HECTD4: variants seen among roughly 807,000 people sequenced by gnomAD.
The protein encoded by HECTD4 is probable E3 ubiquitin-protein ligase HECTD4.
Under a neutral mutation model 471.5 loss-of-function variants are expected in HECTD4, and 114 were observed. That is an observed-to-expected ratio of 0.24 (90% CI 0.21 to 0.28). HECTD4 has a LOEUF of 0.28. HECTD4 is among the 10% of genes least tolerant of loss of function. The pLI, the probability that HECTD4 is intolerant of heterozygous loss-of-function variation, is 1.00. For missense variants in HECTD4, 3,866 were observed against 5,651.5 expected, an observed-to-expected ratio of 0.68 and a Z score of 10.13; for synonymous variants, 2,012 against 2,256.0, an observed-to-expected ratio of 0.89 and a Z score of 3.07.
At chr12:112,296,113 C>G (rs543035521) in intron 7 of HECTD4, among the ~76,000 whole-genome samples, 5 of 152,254 alleles carry the variant, frequency 3.3e-5, no homozygotes, top group Admixed American at 3.3e-4. Context: ...GTGGCATGAA[C>G]AAGAAGGTAT....
In HECTD4 at chr12:112,369,409, T is replaced by C. The variant is rs184762985; in HGVS notation, c.177+12543A>G. ...CAGACTGAAGTGCAGTGGTGTGATC[T>C]TGGCTCACTACAACCTCCGCCTCTG... On this transcript the variant is annotated intron_variant, in intron 1 of 75. Transcript: ENST00000682272. Among the ~76,000 whole-genome samples, 59 of 151,484 alleles carry C rather than the reference T, an allele frequency of 3.9e-4. 1 individual carries two copies. Among genetic ancestry groups the C allele is most frequent in the Non-Finnish European group, 7.4e-4 (50 of 67,850 alleles).
chr12:112,231,511 A>G lies in HECTD4; in HGVS notation c.6200+2T>C. On this transcript the variant is annotated splice_donor_variant, in intron 39 of 75. Transcript: ENST00000682272. LOFTEE classifies it high-confidence loss of function. ...GACAGCTCCTACCTGTGGAAGGTTT[A>G]CCTTGCAAGCTCCGAGTTCCTCTCT... is the stretch of plus-strand genomic sequence containing the variant. 6.2e-7 allele frequency: 1 copy of G among 1,613,902 alleles called. No homozygotes were observed. The highest frequency in any genetic ancestry group is 8.5e-7 in the Non-Finnish European group (1 of 1,179,774).
intron 70 of HECTD4, 28 bp downstream of exon 70, chr12:112,169,474 AG>A: frequency 6.3e-7 from 1 of 1,587,358 alleles, no homozygotes; most frequent in Non-Finnish European, 8.6e-7. Flanking sequence ...CAGCTCCTCC[AG>A]CGTGGAGCCT....
Position 112,226,221 on chromosome 12 carries a change from T to TCACACACA in HECTD4, c.6970+414_6970+421dup, listed in dbSNP as rs1384859230. Among the ~76,000 whole-genome samples the TCACACACA allele has an allele frequency of 2.0e-5, 3 of 151,234 alleles. No individual in the cohort carries two copies. The South Asian group carries it at 6.3e-4, about 32-fold the overall frequency. ...CACACACACACACTCACACACACAC[T>TCACACACA]CACACACACACTCACACACACACAT... is the stretch of plus-strand genomic sequence containing the variant. On this transcript the variant is annotated intron_variant, in intron 44 of 75. Coordinates refer to ENST00000682272, the MANE Select transcript of HECTD4 (RefSeq NM_001388303.1).
rs371897569 is a variant in HECTD4, at chr12:112,235,136, C to T, written c.5856G>A (p.Ser1952=). ...GGTCTTCCCGCTTGTGGATAAATATCGAGAGCTTGCCATCCACAGCCTCAC... is the reference window on the plus strand; with the variant it reads ...GGTCTTCCCGCTTGTGGATAAATATTGAGAGCTTGCCATCCACAGCCTCAC... ...EESEAVDGKL[S]IFIHKREDQS... Residue 1952 remains serine, a synonymous_variant, in exon 37 of 76, where the codon TCG becomes TCA. Transcript: ENST00000682272. This position sits in a 1 kb window ranked among gnomAD's most constrained non-coding sequence, Gnocchi z 5.0. 1.2e-5 allele frequency: 20 copies of T among 1,610,128 alleles called. No individual in the cohort carries two copies. The highest frequency in any genetic ancestry group is 9.3e-5 in the African/African-American group (7 of 74,898).
chr12:112,310,672 C>A (rs1260728003), intron 4 of HECTD4, among the ~76,000 whole-genome samples: 1 of 152,150 alleles, frequency 6.6e-6, no homozygotes, highest in South Asian at 2.1e-4. Context: ...CAACTGGGAC[C>A]TGTACCTATT....
chr12:112,211,175 C>T (rs1174695659), intron 49 of HECTD4, among the ~76,000 whole-genome samples: 4 of 152,108 alleles, frequency 2.6e-5, no homozygotes, highest in Admixed American at 1.3e-4. Context: ...CATGGTGAAA[C>T]CTCATTTCTA....
At chr12:112,365,841 G>A (rs1055282530) in intron 1 of HECTD4, among the ~76,000 whole-genome samples, 5 of 148,780 alleles carry the variant, frequency 3.4e-5, no homozygotes, top group Admixed American at 1.4e-4. Context: ...GAGCGATCTC[G>A]GCTGATTCAC....
At position 112,229,829 on chromosome 12, in the gene HECTD4, T is replaced by C; in HGVS notation, c.6388A>G (p.Ser2130Gly). 6.2e-7 allele frequency: 1 copy of C among 1,614,040 alleles called. No homozygotes were observed. Among genetic ancestry groups the C allele is most frequent in the Non-Finnish European group, 8.5e-7 (1 of 1,179,900 alleles). ...YIPQLGKYAE[S>G]ILENGSSSGR... ...CTGCTGCTGCCATTTTCCAGAATGCTTTCTGCGTATTTCCCCAATTGTGGA... is the reference window on the plus strand; with the variant it reads ...CTGCTGCTGCCATTTTCCAGAATGCCTTCTGCGTATTTCCCCAATTGTGGA... Residue 2130 changes from serine (S) to glycine (G), a missense_variant, in exon 41 of 76, where the codon AGC becomes GGC. By Grantham distance (56) the Ser-to-Gly change is moderately conservative. This residue lies in a region of HECTD4 where 617 missense variants were observed against 915.1 expected (regional missense o/e 0.67). Transcript: ENST00000682272.
At chr12:112,343,541 G>A (rs938210149) in intron 1 of HECTD4, among the ~76,000 whole-genome samples, 4 of 152,162 alleles carry the variant, frequency 2.6e-5, no homozygotes, top group African/African-American at 9.7e-5. Flanking sequence ...AGACCAGGGA[G>A]GGAGGATCAC....
Position 112,161,964 on chromosome 12 carries a change from A to T in HECTD4, c.*423T>A. On this transcript the variant is annotated 3_prime_UTR_variant, in exon 76 of 76. Coordinates refer to ENST00000682272, the MANE Select transcript of HECTD4 (RefSeq NM_001388303.1). ...GAGGCTGGAGGGCAGGGCTGGCCAC[A>T]GGCTTGTCTGTGGAGGCGCTCTGCT... The T allele has an allele frequency of 6.4e-6, 1 of 157,296 alleles. No homozygotes were observed. Among genetic ancestry groups the T allele is most frequent in the Non-Finnish European group, 1.4e-5 (1 of 71,318 alleles). 9.7% of individuals were successfully genotyped at this position (157,296 alleles called of 1,614,324 possible).
Position 112,188,570 on chromosome 12 carries a change from C to G in HECTD4, c.9472+2216G>C, listed in dbSNP as rs2031965042. On this transcript the variant is annotated intron_variant, in intron 60 of 75. Transcript: ENST00000682272. This position sits in a 1 kb window ranked among gnomAD's most constrained non-coding sequence, Gnocchi z 4.2. Reference sequence around the variant, plus strand: ...TAAAGCCTGTGTCCCACTGAGCCAGCTGAGCCCTTACCCTGCAAAAGAGTG... The same window carrying G: ...TAAAGCCTGTGTCCCACTGAGCCAGGTGAGCCCTTACCCTGCAAAAGAGTG... Among the ~76,000 whole-genome samples, 1 of 152,232 alleles carries G rather than the reference C, an allele frequency of 6.6e-6. No homozygotes were observed. Among genetic ancestry groups the G allele is most frequent in the Non-Finnish European group, 1.5e-5 (1 of 68,046 alleles).
At chr12:112,335,359 T>C (rs1360874410) in intron 1 of HECTD4, among the ~76,000 whole-genome samples, 1 of 151,884 alleles carries the variant, frequency 6.6e-6, no homozygotes, top group Non-Finnish European at 1.5e-5. Context: ...AATGACACAA[T>C]GGGGTTTGGG....
At chr12:112,270,203 T>C (rs1057344445) in intron 12 of HECTD4, 24 bp downstream of exon 12, 8 of 1,587,794 alleles carry the variant, frequency 5.0e-6, no homozygotes, top group African/African-American at 2.7e-5. Flanking sequence ...TATCATCTTA[T>C]TTATTTCAAA....
chr12:112,375,063 C>T (rs550168000), intron 1 of HECTD4, among the ~76,000 whole-genome samples: 8 of 151,990 alleles, frequency 5.3e-5, no homozygotes, highest in South Asian at 2.1e-4. Flanking sequence ...CTTTATACTC[C>T]GTCCCTCTCA....
intron 7 of HECTD4, among the ~76,000 whole-genome samples, chr12:112,300,307 C>CAAAA (rs572345517): frequency 2.9e-5 from 2 of 69,828 alleles, no homozygotes; most frequent in Non-Finnish European, 3.1e-5. Context: ...GATTCCATCT[C>CAAAA]AAAAAAAAAA....
At chr12:112,342,331 C>A (rs1324033148) in intron 1 of HECTD4, among the ~76,000 whole-genome samples, 2 of 152,140 alleles carry the variant, frequency 1.3e-5, no homozygotes, top group Non-Finnish European at 2.9e-5. Context: ...ATAGTGCATG[C>A]CTGTAGTCCT....
At chr12:112,178,764 G>C (rs2137018991) in intron 64 of HECTD4, among the ~76,000 whole-genome samples, 167 bp downstream of exon 64, 1 of 152,368 alleles carries the variant, frequency 6.6e-6, no homozygotes, top group Middle Eastern at 3.4e-3. Flanking sequence ...CCCGGCTGCA[G>C]TGAGCTGTGA....
chr12:112,329,369 T>C (rs1489014383), intron 1 of HECTD4, among the ~76,000 whole-genome samples: 1 of 125,196 alleles, frequency 8.0e-6, no homozygotes, highest in Non-Finnish European at 1.5e-5. Flanking sequence ...TTGGGTTTTT[T>C]GTTTTTTTTT....
Sources: allele counts gnomAD v4.1 joint callset (sites outside exome capture counted in the v4.1 genomes callset), GRCh38; gene constraint gnomAD v4.1.1; regional missense constraint gnomAD v4.1.1; non-coding constraint Gnocchi (gnomAD v3.1); transcripts MANE v1.5; gene names NCBI Gene and HGNC (gene_info 2026-07-23, HGNC 2026-07-21).